The following WDR91 variants were observed in gnomAD, a reference collection of about 807,000 sequenced individuals.
WDR91 encodes WD repeat domain 91, also known as WD repeat-containing protein 91.
WDR91 carries 52 observed loss-of-function variants against 88.4 expected under a neutral mutation model. The observed-to-expected ratio is 0.59, with a 90% confidence interval of 0.47 to 0.74. WDR91 has a LOEUF of 0.74. Ranked by LOEUF, WDR91 falls within the 30% of genes least tolerant of loss-of-function variation. The pLI is 0.00. For missense variants in WDR91, 824 were observed against 954.5 expected (o/e 0.86, Z 1.80); for synonymous variants, 362 against 389.5 (o/e 0.93, Z 0.83).
chr7:135,209,153 T>A (rs1179671559), intron 2 of WDR91, among the ~76,000 whole-genome samples, 155 bp from the exon 3 acceptor site: 1 of 152,064 alleles, frequency 6.6e-6, no homozygotes, highest in Non-Finnish European at 1.5e-5. Flanking sequence ...ATCACTCTTT[T>A]CTCAAGGAAC....
chr7:135,196,858 A>G lies in WDR91; in HGVS notation c.1051-521T>C, dbSNP rs1196577169. On this transcript the variant is annotated intron_variant, in intron 7 of 14. Transcript: ENST00000354475. The surrounding 1 kb of genome is among the most constrained non-coding windows in gnomAD (Gnocchi z 4.2). ...TGTGAAGCTGGGTGGGTAAGAGGTAAGCCCGGCCCCTTTCCAGTGCACCCC... is the reference window on the plus strand; with the variant it reads ...TGTGAAGCTGGGTGGGTAAGAGGTAGGCCCGGCCCCTTTCCAGTGCACCCC... 6.6e-6 allele frequency among the ~76,000 whole-genome samples: 1 copy of G among 152,144 alleles called. No individual in the cohort carries two copies. The highest frequency in any genetic ancestry group is 1.5e-5 in the Non-Finnish European group (1 of 68,002).
intron 11 of WDR91, among the ~76,000 whole-genome samples, chr7:135,192,964 T>C (rs1274816277): frequency 2.0e-5 from 3 of 152,188 alleles, no homozygotes; most frequent in Non-Finnish European, 2.9e-5. Flanking sequence ...GGTAACAGTA[T>C]GTCAGAGGGA....
chr7:135,203,430 A>C (rs989958648), intron 6 of WDR91, among the ~76,000 whole-genome samples: 1 of 152,242 alleles, frequency 6.6e-6, no homozygotes, highest in Non-Finnish European at 1.5e-5. Context: ...GTCTGCAGGC[A>C]TTTCTGAAAG....
rs199766460 is a variant in WDR91 at position 135,186,105 on chromosome 7, C to T, written c.*46G>A. The T allele has an allele frequency of 1.3e-6, 2 of 1,543,394 alleles. No individual in the cohort carries two copies. Among genetic ancestry groups the T allele is most frequent in the Non-Finnish European group, 1.7e-6 (2 of 1,148,946 alleles). ...TTTCCTGTCCTATATCTCCTCCCCCCACCGCAGATAATACTGCTTCCTCGG... is the reference window on the plus strand; with the variant it reads ...TTTCCTGTCCTATATCTCCTCCCCCTACCGCAGATAATACTGCTTCCTCGG... On this transcript the variant is annotated 3_prime_UTR_variant, in exon 15 of 15. Coordinates refer to ENST00000354475, the MANE Select transcript of WDR91 (RefSeq NM_014149.4).
At position 135,208,078 on chromosome 7, in the gene WDR91, C is replaced by T. The variant is rs190649459; in HGVS notation, c.511+713G>A. On this transcript the variant is annotated intron_variant, in intron 3 of 14. Coordinates refer to ENST00000354475, the MANE Select transcript of WDR91 (RefSeq NM_014149.4). The stretch of plus-strand genomic sequence containing the variant: ...AAAGTGTTCCTCCCAGAGGCCAAAA[C>T]GCCTGCCCATGGGTGGGCCTCTAAA... Among the ~76,000 whole-genome samples the T allele has an allele frequency of 7.2e-5, 11 of 152,294 alleles. No homozygotes were observed. The East Asian group carries it at 1.4e-3, about 19-fold the overall frequency.
At position 135,204,361 on chromosome 7, in the gene WDR91, C is replaced by T; in HGVS notation, c.798G>A (p.Leu266=). The change falls in exon 6 of 15, where the codon CTG becomes CTA. Residue 266 remains leucine (L), a synonymous_variant. Coordinates refer to ENST00000354475, the MANE Select transcript of WDR91 (RefSeq NM_014149.4). Reference sequence around the variant, plus strand: ...TTGAGGGGCTCTTCTTACTCTGAGGCAGCAGCGAGGACAGGAAGCCCACAC... The same window carrying T: ...TTGAGGGGCTCTTCTTACTCTGAGGTAGCAGCGAGGACAGGAAGCCCACAC... ...SPRVGFLSSL[L]PQSKKSPSRL... 1 of 1,614,206 alleles carries T rather than the reference C, an allele frequency of 6.2e-7. No individual in the cohort carries two copies. The highest frequency in any genetic ancestry group is 8.5e-7 in the Non-Finnish European group (1 of 1,180,042).
chr7:135,194,211 T>C (rs997757185), intron 9 of WDR91, among the ~76,000 whole-genome samples: 9 of 152,174 alleles, frequency 5.9e-5, no homozygotes, highest in African/African-American at 2.2e-4. Flanking sequence ...AAGATAATAA[T>C]AGTGCCAGAG....
chr7:135,196,416 C>T lies in WDR91; in HGVS notation c.1051-79G>A. 1 of 1,351,428 alleles carries T rather than the reference C, an allele frequency of 7.4e-7. No homozygotes were observed. The highest frequency in any genetic ancestry group is 9.8e-7 in the Non-Finnish European group (1 of 1,023,552). 83.7% of individuals were successfully genotyped at this position (1,351,428 alleles called of 1,614,324 possible). ...GGTGTACACCGCAGGGGGTCTAGGC[C>T]TAGGCTGCAGCATTTTGCGGGGTTC... On this transcript the variant is annotated intron_variant, in intron 7 of 14. Transcript: ENST00000354475. The surrounding 1 kb of genome is among the most constrained non-coding windows in gnomAD (Gnocchi z 4.2).
intron 4 of WDR91, 43 bp downstream of exon 4, chr7:135,207,077 A>G (rs1445704394): frequency 1.3e-6 from 2 of 1,548,198 alleles, no homozygotes; most frequent in African/African-American, 2.7e-5. Flanking sequence ...CACACACAAA[A>G]AGCAGAAGTA....
chr7:135,206,840 G>A (rs1206240954), intron 4 of WDR91, among the ~76,000 whole-genome samples: 6 of 151,740 alleles, frequency 4.0e-5, no homozygotes, highest in African/African-American at 1.4e-4. Flanking sequence ...TAGTTATAAG[G>A]TGGCATGGAT....
intron 7 of WDR91, chr7:135,197,237 C>T (rs1831408009): frequency 6.6e-6 from 1 of 152,252 alleles, no homozygotes; most frequent in Non-Finnish European, 1.5e-5. Context: ...AATGCCAGAA[C>T]TTATGATCTG....
chr7:135,196,371 G>A lies in WDR91; in HGVS notation c.1051-34C>T. 6.7e-7 allele frequency: 1 copy of A among 1,486,628 alleles called. No homozygotes were observed. Among genetic ancestry groups the A allele is most frequent in the Non-Finnish European group, 8.9e-7 (1 of 1,117,866 alleles). The allele number at this position is 1,486,628 out of a possible 1,614,324, so 92.1% of individuals were successfully genotyped here. A position where few individuals can be genotyped will look rare whatever the true frequency, so the allele number is the denominator to read the frequency against. On this transcript the variant is annotated intron_variant, in intron 7 of 14. Coordinates refer to ENST00000354475, the MANE Select transcript of WDR91 (RefSeq NM_014149.4). The surrounding 1 kb of genome is among the most constrained non-coding windows in gnomAD (Gnocchi z 4.2). ...AGCAGGGTGGGGACAAGTCAGCCAG[G>A]AAAGGGTCCCCCACACCAGGGTGTA...
chr7:135,190,805 T>C (rs1268532954), intron 11 of WDR91, among the ~76,000 whole-genome samples: 1 of 152,104 alleles, frequency 6.6e-6, no homozygotes, highest in Non-Finnish European at 1.5e-5. Flanking sequence ...CTGAAGAAAC[T>C]ATTATCAAGA....
rs779654286 is a variant in WDR91 at position 135,196,377 on chromosome 7, G to T, written c.1051-40C>A. 5 of 1,480,000 alleles carry T rather than the reference G, an allele frequency of 3.4e-6. No homozygotes were observed. Among genetic ancestry groups the T allele is most frequent in the Non-Finnish European group, 4.5e-6 (5 of 1,114,876 alleles). 91.7% of individuals were successfully genotyped at this position (1,480,000 alleles called of 1,614,324 possible). A position where few individuals can be genotyped will look rare whatever the true frequency, so the allele number is the denominator to read the frequency against. ...GTGGGGACAAGTCAGCCAGGAAAGG[G>T]TCCCCCACACCAGGGTGTACACCGC... On this transcript the variant is annotated intron_variant, in intron 7 of 14. Coordinates refer to ENST00000354475, the MANE Select transcript of WDR91 (RefSeq NM_014149.4). The surrounding 1 kb of genome is among the most constrained non-coding windows in gnomAD (Gnocchi z 4.2).
chr7:135,208,932 C>G lies in WDR91; in HGVS notation c.370G>C (p.Glu124Gln). The change falls in exon 3 of 15, where the codon GAG becomes CAG. Residue 124 changes from glutamate to glutamine, a missense_variant. By Grantham distance (29) the Glu-to-Gln change is conservative (BLOSUM62 2). Transcript: ENST00000354475. ...GGCAGGACAAACCAATCCTTCCACT[C>G]AGCCTGGTTCTGGAGTTCCGTGGCC... ...KQATELQNQAEWKDWFVLPFL... is the reference protein window; with the variant it reads ...KQATELQNQAQWKDWFVLPFL... 1 of 1,614,204 alleles carries G rather than the reference C, an allele frequency of 6.2e-7. No homozygotes were observed. The highest frequency in any genetic ancestry group is 8.5e-7 in the Non-Finnish European group (1 of 1,180,032).
In WDR91 at chr7:135,186,422, T is replaced by C. The variant is rs112708660; in HGVS notation, c.2080-107A>G. 4,192 of 1,181,386 alleles carry C rather than the reference T, an allele frequency of 3.5e-3. 127 individuals are homozygous for C. The African/African-American group carries it at 0.061, about 17-fold the overall frequency. 73.2% of individuals were successfully genotyped at this position (1,181,386 alleles called of 1,614,324 possible). ...GGATGTGCCTGAGGCCAGACACACATGCCCACCTTTCCAGAAAGTCTGTTT... is the reference window on the plus strand; with the variant it reads ...GGATGTGCCTGAGGCCAGACACACACGCCCACCTTTCCAGAAAGTCTGTTT... On this transcript the variant is annotated intron_variant, in intron 14 of 14. Coordinates refer to ENST00000354475, the MANE Select transcript of WDR91 (RefSeq NM_014149.4).
chr7:135,204,726 G>A (rs1380130613), intron 5 of WDR91, among the ~76,000 whole-genome samples: 1 of 152,166 alleles, frequency 6.6e-6, no homozygotes, highest in East Asian at 1.9e-4. Context: ...ATGAAATGTG[G>A]TTAGTCCAAA....
rs768858908 is a variant in WDR91 at position 135,187,111 on chromosome 7, G to A, written c.1940C>T (p.Ser647Leu). 1.9e-5 allele frequency: 30 copies of A among 1,614,152 alleles called. No homozygotes were observed. Among genetic ancestry groups the A allele is most frequent in the Non-Finnish European group, 2.3e-5 (27 of 1,180,066 alleles). The change falls in exon 14 of 15, where the codon TCA (serine) becomes TTA (leucine). Residue 647 changes from serine to leucine, a missense_variant. Physicochemically the swap from Ser to Leu is moderately radical, Grantham distance 145. Transcript: ENST00000354475. Reference sequence around the variant, plus strand: ...CAGCACAAAGGGGCCCGTGGCATCTGAGGGGAGGCTGTACTCGGATACCTT... The same window carrying A: ...CAGCACAAAGGGGCCCGTGGCATCTAAGGGGAGGCTGTACTCGGATACCTT... ...GLKVSEYSLP[S>L]DATGPFVLSG...
Position 135,186,188 on chromosome 7 carries a change from T to A in WDR91, c.2207A>T (p.Lys736Met), listed in dbSNP as rs181109242. The change falls in exon 15 of 15, where the codon AAG becomes ATG. Residue 736 changes from lysine (K) to methionine (M), a missense_variant. Transcript: ENST00000354475. ...GGCCAGGAGGGTGGTCAGCTTGATC[T>A]TGCCATCCATGGAGGCGGTGAGGCA... is the stretch of plus-strand genomic sequence containing the variant. The part of the protein sequence containing the change: ...GTCLTASMDG[K>M]IKLTTLLAHK... 6.2e-7 allele frequency: 1 copy of A among 1,607,392 alleles called. No individual in the cohort carries two copies. The highest frequency in any genetic ancestry group is 1.7e-5 in the Admixed American group (1 of 58,738).
Sources: gnomAD v4.1 joint callset for allele counts (sites outside exome capture counted in the v4.1 genomes callset) on GRCh38, gnomAD v4.1.1 for gene constraint, Gnocchi (gnomAD v3.1) non-coding constraint, MANE v1.5 for transcripts, NCBI Gene and HGNC (gene_info 2026-07-23, HGNC 2026-07-21) for gene names.